Variants in FYB1 observed in about 807,000 individuals in gnomAD.
FYB1 encodes FYN binding protein 1, also known as FYN-binding protein 1.
A neutral mutation model predicts 94.1 loss-of-function variants in FYB1; 41 were observed. The ratio of observed to expected loss-of-function variants is 0.44; its 90% CI spans 0.34 to 0.57. The LOEUF is 0.57. Among genes scored for constraint, FYB1 ranks in the 20% least tolerant of loss-of-function variants. FYB1 has a pLI of 0.02. For missense variants in FYB1, 1,050 were observed against 976.8 expected (o/e 1.07, Z -1.00); for synonymous variants, 367 against 353.2 (o/e 1.04, Z -0.44).
intron 1 of FYB1, among the ~76,000 whole-genome samples, chr5:39,261,100 C>T (rs1752188666): frequency 6.6e-6 from 1 of 151,886 alleles, no homozygotes; most frequent in African/African-American, 2.4e-5. Context: ...ACTGCATGTT[C>T]TCACACATGA....
chr5:39,127,059 CAAAAAAAAAAAAAA>C (rs200980181), intron 11 of FYB1, among the ~76,000 whole-genome samples: 1 of 77,492 alleles, frequency 1.3e-5, no homozygotes, highest in African/African-American at 4.7e-5. Flanking sequence ...ACTCAGGTCT[CAAAAAAAAAAAAAA>C]AAAAAAAAAA....
At chr5:39,140,100 T>A (rs1217366335) in intron 4 of FYB1, 1 of 152,178 alleles carries the variant, frequency 6.6e-6, no homozygotes, top group African/African-American at 2.4e-5. Context: ...AAAAGACTTC[T>A]TAAATAGCAT....
intron 2 of FYB1, among the ~76,000 whole-genome samples, chr5:39,184,780 ATGT>A (rs1389693622): frequency 1.3e-5 from 2 of 152,122 alleles, no homozygotes; most frequent in East Asian, 1.9e-4. Context: ...GTTCATTTTA[ATGT>A]TGTAATAGAG....
At chr5:39,141,871 C>T (rs1205225253) in intron 3 of FYB1, among the ~76,000 whole-genome samples, 1 of 142,100 alleles carries the variant, frequency 7.0e-6, no homozygotes, top group African/African-American at 2.8e-5. Flanking sequence ...GATTCTGTCT[C>T]AGAAAAAAAA....
chr5:39,134,362 G>A lies in FYB1; in HGVS notation c.1676-13C>T, dbSNP rs1304987767. 1 of 1,577,804 alleles carries A rather than the reference G, an allele frequency of 6.3e-7. No individual in the cohort carries two copies. ...TTAATATAGCCATCTACCAAAAAGG[G>A]AAATATTTATGTTCAGGCAACTGTA... is the stretch of plus-strand genomic sequence containing the variant. On this transcript the variant is annotated splice_polypyrimidine_tract_variant and intron_variant, in intron 8 of 18. Coordinates refer to ENST00000512982, the MANE Select transcript of FYB1 (RefSeq NM_001465.6).
chr5:39,241,898 T>C (rs1751227214), intron 1 of FYB1, among the ~76,000 whole-genome samples: 1 of 152,060 alleles, frequency 6.6e-6, no homozygotes, highest in African/African-American at 2.4e-5. Context: ...TTATTTAAGG[T>C]ACAAGTCTCT....
At position 39,202,893 on chromosome 5, in the gene FYB1, A is replaced by G. The variant is rs1001597674; in HGVS notation, c.68T>C (p.Val23Ala). 7.4e-6 allele frequency: 12 copies of G among 1,613,318 alleles called. No individual in the cohort carries two copies. Among genetic ancestry groups the G allele is most frequent in the Non-Finnish European group, 1.0e-5 (12 of 1,179,728 alleles). The change falls in exon 2 of 19, where the codon GTC (valine) becomes GCC (alanine). Residue 23 changes from valine (V) to alanine (A), a missense_variant. Transcript: ENST00000512982. ...DVSVNSRPFR[V>A]TGPNSSSGIQ... ...TCCTGAAGATGAGTTTGGCCCTGTG[A>G]CTCTGAAGGGTCGGCTATTGACTGA... is the stretch of plus-strand genomic sequence containing the variant.
At chr5:39,179,529 C>T (rs1746025036) in intron 2 of FYB1, among the ~76,000 whole-genome samples, 1 of 150,286 alleles carries the variant, frequency 6.7e-6, no homozygotes, top group Non-Finnish European at 1.5e-5. Context: ...GCTCCATTTC[C>T]AAGCTTTTCT....
intron 3 of FYB1, among the ~76,000 whole-genome samples, chr5:39,144,849 C>T (rs66496885): frequency 0.17 from 26,022 of 151,872 alleles, 2,519 homozygotes; most frequent in Middle Eastern, 0.22. Context: ...TATATGCCAA[C>T]GTAGATGTGT....
chr5:39,119,102 G>C, intron 15 of FYB1, 66 bp from the exon 16 acceptor site: 1 of 719,886 alleles, frequency 1.4e-6, no homozygotes, highest in East Asian at 3.2e-5. Flanking sequence ...CTTATTTATG[G>C]ATGGATTTAT....
chr5:39,250,203 T>G (rs1751656297), intron 1 of FYB1, among the ~76,000 whole-genome samples: 1 of 152,124 alleles, frequency 6.6e-6, no homozygotes, highest in Admixed American at 6.5e-5. Flanking sequence ...TATGGCAGTG[T>G]GAGAATGGAC....
At chr5:39,143,874 A>G (rs977232320) in intron 3 of FYB1, among the ~76,000 whole-genome samples, 2 of 152,202 alleles carry the variant, frequency 1.3e-5, no homozygotes, top group Non-Finnish European at 2.9e-5. Flanking sequence ...TAACTTATAT[A>G]TGCTTAGCTT....
At chr5:39,108,634 T>C (rs1738764984) in intron 17 of FYB1, among the ~76,000 whole-genome samples, 1 of 152,092 alleles carries the variant, frequency 6.6e-6, no homozygotes, top group Non-Finnish European at 1.5e-5. Context: ...ATTCATACTT[T>C]CACTTGAATT....
chr5:39,163,384 A>G (rs1744445070), intron 2 of FYB1, among the ~76,000 whole-genome samples: 1 of 152,254 alleles, frequency 6.6e-6, no homozygotes, highest in African/African-American at 2.4e-5. Flanking sequence ...GTTTACATAG[A>G]TAATCAAAGC....
At chr5:39,212,025 G>A (rs754299710) in intron 1 of FYB1, among the ~76,000 whole-genome samples, 22 of 152,214 alleles carry the variant, frequency 1.4e-4, no homozygotes, top group Non-Finnish European at 2.6e-4. Flanking sequence ...GCAGCAGCTG[G>A]GCACAATGGG....
intron 2 of FYB1, among the ~76,000 whole-genome samples, chr5:39,196,270 G>T (rs1172772299): frequency 1.4e-5 from 2 of 145,896 alleles, no homozygotes; most frequent in Admixed American, 1.4e-4. Flanking sequence ...GTGCAGTGGT[G>T]CAATCTCGGC....
At chr5:39,210,929 G>GT (rs1448944688) in intron 1 of FYB1, 7 of 152,316 alleles carry the variant, frequency 4.6e-5, no homozygotes, top group African/African-American at 1.7e-4. Flanking sequence ...AGTTCTTGAT[G>GT]TGGATAGAAT....
At chr5:39,164,149 A>G (rs1354473747) in intron 2 of FYB1, among the ~76,000 whole-genome samples, 2 of 151,098 alleles carry the variant, frequency 1.3e-5, no homozygotes, top group Admixed American at 6.6e-5. Context: ...GAAATAAAGC[A>G]TGTGCTCCAA....
At chr5:39,166,549 C>T (rs1267334313) in intron 2 of FYB1, among the ~76,000 whole-genome samples, 1 of 152,024 alleles carries the variant, frequency 6.6e-6, no homozygotes, top group Non-Finnish European at 1.5e-5. Flanking sequence ...ACCTAAGTGT[C>T]CATCAATGGA....
Sources: gnomAD v4.1 joint callset for allele counts (sites outside exome capture counted in the v4.1 genomes callset) on GRCh38, gnomAD v4.1.1 for gene constraint, MANE v1.5 for transcripts, NCBI Gene and HGNC (gene_info 2026-07-23, HGNC 2026-07-21) for gene names.